Variants in ZNF644 observed in about 807,000 individuals in gnomAD.
ZNF644 encodes zinc finger protein 644.
Under a neutral mutation model 108.0 loss-of-function variants are expected in ZNF644, and 20 were observed. The ratio of observed to expected loss-of-function variants is 0.19; its 90% CI spans 0.13 to 0.27. The LOEUF is 0.27. Among genes scored for constraint, ZNF644 ranks in the 10% least tolerant of loss-of-function variants. The pLI, the probability that ZNF644 is intolerant of heterozygous loss-of-function variation, is 1.00. For missense variants in ZNF644, 1,338 were observed against 1,548.9 expected, an observed-to-expected ratio of 0.86 and a Z score of 2.29; for synonymous variants, 542 against 539.1, an observed-to-expected ratio of 1.01 and a Z score of -0.08.
chr1:90,985,864 T>G (rs1657041192), intron 1 of ZNF644, among the ~76,000 whole-genome samples: 1 of 152,168 alleles, frequency 6.6e-6, no homozygotes, highest in Non-Finnish European at 1.5e-5. Context: ...TTTAGTTTTC[T>G]GAGAAAGTGC....
rs145036081 is a variant in ZNF644, at chr1:91,011,947, T to A, written c.-18+10043A>T. On this transcript the variant is annotated intron_variant, in intron 1 of 5. Coordinates refer to ENST00000337393, the MANE Select transcript of ZNF644 (RefSeq NM_201269.3). ...TTCCTCCACCTACTTCCTGGCTATA[T>A]GCCTAGAGAATACTGTAATGACAGC... is the stretch of plus-strand genomic sequence containing the variant. Among the ~76,000 whole-genome samples the A allele has an allele frequency of 7.5e-3, 1,148 of 152,320 alleles. 5 individuals are homozygous for A. Among genetic ancestry groups the A allele is most frequent in the Non-Finnish European group, 0.012 (804 of 68,030 alleles).
chr1:90,927,361 G>C (rs530728612), intron 4 of ZNF644, among the ~76,000 whole-genome samples: 1 of 152,104 alleles, frequency 6.6e-6, no homozygotes, highest in Non-Finnish European at 1.5e-5. Flanking sequence ...AAAATCAGCC[G>C]ATCATTTTTT....
chr1:90,967,844 G>A (rs946151919), intron 2 of ZNF644, among the ~76,000 whole-genome samples: 23 of 146,508 alleles, frequency 1.6e-4, no homozygotes, highest in South Asian at 1.5e-3. Context: ...TCAGGAGTTC[G>A]AGACCAGCCT....
chr1:90,983,096 C>A (rs1295487504), intron 1 of ZNF644, among the ~76,000 whole-genome samples: 2 of 152,102 alleles, frequency 1.3e-5, no homozygotes, highest in African/African-American at 4.8e-5. Context: ...TCCTCCTCCC[C>A]ATACCTGAAA....
chr1:91,006,554 T>A (rs762414998), intron 1 of ZNF644, among the ~76,000 whole-genome samples: 3 of 152,192 alleles, frequency 2.0e-5, no homozygotes, highest in Non-Finnish European at 2.9e-5. Context: ...AATATTGCCC[T>A]CATACCAAAA....
At chr1:91,005,716 T>C (rs758728856) in intron 1 of ZNF644, among the ~76,000 whole-genome samples, 1 of 151,760 alleles carries the variant, frequency 6.6e-6, no homozygotes, top group Non-Finnish European at 1.5e-5. Flanking sequence ...AGAAAGTATA[T>C]TGAGAAAAAT....
intron 2 of ZNF644, among the ~76,000 whole-genome samples, chr1:90,954,954 T>A (rs1653596549): frequency 1.3e-5 from 2 of 152,220 alleles, no homozygotes; most frequent in Non-Finnish European, 2.9e-5. Flanking sequence ...GAGGAATCAC[T>A]CTAGCTACAG....
intron 2 of ZNF644, among the ~76,000 whole-genome samples, chr1:90,953,383 G>A (rs535199003): frequency 3.3e-5 from 5 of 151,652 alleles, no homozygotes; most frequent in African/African-American, 1.2e-4. Context: ...GGCCTATGGG[G>A]TAGGGGGTGA....
intron 2 of ZNF644, among the ~76,000 whole-genome samples, chr1:90,967,974 T>C (rs1655096109): frequency 6.7e-6 from 1 of 149,842 alleles, no homozygotes; most frequent in African/African-American, 2.5e-5. Context: ...GGCAGGAGAA[T>C]TGCTTGAATC....
chr1:90,983,460 T>G (rs2101507473), intron 1 of ZNF644, among the ~76,000 whole-genome samples: 1 of 142,566 alleles, frequency 7.0e-6, no homozygotes, highest in South Asian at 2.2e-4. Context: ...CCCTGAAATC[T>G]GACAATGTTA....
At chr1:91,008,579 A>T (rs1394061905) in intron 1 of ZNF644, among the ~76,000 whole-genome samples, 1 of 152,216 alleles carries the variant, frequency 6.6e-6, no homozygotes, top group Non-Finnish European at 1.5e-5. Context: ...AACAGTTGAT[A>T]GTTCTGCTGT....
At chr1:90,983,307 A>G (rs750692262) in intron 1 of ZNF644, among the ~76,000 whole-genome samples, 1 of 152,084 alleles carries the variant, frequency 6.6e-6, no homozygotes, top group Non-Finnish European at 1.5e-5. Context: ...CAATGCCATC[A>G]TCTCCCACCA....
At chr1:90,982,251 AT>A (rs1176662697) in intron 2 of ZNF644, 58 bp downstream of exon 2, 10 of 1,413,372 alleles carry the variant, frequency 7.1e-6, no homozygotes, top group African/African-American at 1.4e-5. Context: ...TTAAGACATA[AT>A]TTTTTTGTAT....
At chr1:90,990,479 T>C (rs1657534519) in intron 1 of ZNF644, among the ~76,000 whole-genome samples, 1 of 150,684 alleles carries the variant, frequency 6.6e-6, no homozygotes, top group South Asian at 2.1e-4. Context: ...TGGTGAACCC[T>C]GAAAGGGAAA....
intron 1 of ZNF644, among the ~76,000 whole-genome samples, chr1:91,012,536 T>C (rs148352780): frequency 2.0e-5 from 3 of 152,186 alleles, no homozygotes; most frequent in Admixed American, 6.5e-5. Flanking sequence ...TTTATGGTGA[T>C]AGAGGTTAGA....
intron 2 of ZNF644, among the ~76,000 whole-genome samples, chr1:90,952,783 A>G (rs552447769): frequency 6.6e-6 from 1 of 152,242 alleles, no homozygotes; most frequent in Admixed American, 6.5e-5. Flanking sequence ...AAGAGAGAAT[A>G]TAAGACAGAA....
intron 2 of ZNF644, among the ~76,000 whole-genome samples, chr1:90,964,202 A>G (rs1654609262): frequency 1.3e-5 from 2 of 152,238 alleles, no homozygotes; most frequent in South Asian, 4.1e-4. Context: ...TTTTCCTTTA[A>G]GTTTTACATA....
At position 90,938,208 on chromosome 1, in the gene ZNF644, C is replaced by T. The variant is rs1651555741; in HGVS notation, c.3082+64G>A. ...TAATAAAGACTAAATTCAAAAAAAA[C>T]TTTTAAATCTTCAGAATTAGAACAC... On this transcript the variant is annotated intron_variant, in intron 3 of 5. Coordinates refer to ENST00000337393, the MANE Select transcript of ZNF644 (RefSeq NM_201269.3). This position sits in a 1 kb window ranked among gnomAD's most constrained non-coding sequence, Gnocchi z 4.2. 1 of 1,611,330 alleles carries T rather than the reference C, an allele frequency of 6.2e-7. No homozygotes were observed. Among genetic ancestry groups the T allele is most frequent in the Non-Finnish European group, 8.5e-7 (1 of 1,178,192 alleles).
At chr1:90,967,400 T>G (rs1655014590) in intron 2 of ZNF644, among the ~76,000 whole-genome samples, 2 of 152,316 alleles carry the variant, frequency 1.3e-5, no homozygotes, top group Non-Finnish European at 2.9e-5. Flanking sequence ...CTTTCAGAAC[T>G]CTTTCAAATA....
Sources: gnomAD v4.1 joint callset for allele counts (sites outside exome capture counted in the v4.1 genomes callset) on GRCh38, gnomAD v4.1.1 for gene constraint, Gnocchi (gnomAD v3.1) non-coding constraint, MANE v1.5 for transcripts, NCBI Gene and HGNC (gene_info 2026-07-23, HGNC 2026-07-21) for gene names.